Variants in LRP1B observed in about 807,000 individuals in gnomAD.
LRP1B encodes LDL receptor related protein 1B.
Under a neutral mutation model 556.6 loss-of-function variants are expected in LRP1B, and 217 were observed. That is an observed-to-expected ratio of 0.39 (90% CI 0.35 to 0.44). LRP1B has a LOEUF of 0.44. LRP1B is among the 20% of genes least tolerant of loss of function. The pLI, the probability that LRP1B is intolerant of heterozygous loss-of-function variation, is 1.00. For synonymous variants in LRP1B, 2,047 were observed against 1,865.8 expected (o/e 1.10, Z -2.50); for missense variants, 5,053 against 5,620.8 (o/e 0.90, Z 3.23).
At chr2:140,412,814 T>G (rs1370414828) in intron 66 of LRP1B, among the ~76,000 whole-genome samples, 1 of 152,098 alleles carries the variant, frequency 6.6e-6, no homozygotes, top group Non-Finnish European at 1.5e-5. Context: ...TATCTACGTA[T>G]TTATTCACAT....
chr2:140,921,614 T>TAA (rs1694738851), intron 21 of LRP1B, among the ~76,000 whole-genome samples: 1 of 151,974 alleles, frequency 6.6e-6, no homozygotes, highest in East Asian at 1.9e-4. Flanking sequence ...AAAATCACAT[T>TAA]TTTCTAACAA....
chr2:140,348,342 C>G (rs1681789873), intron 77 of LRP1B, among the ~76,000 whole-genome samples: 1 of 151,936 alleles, frequency 6.6e-6, no homozygotes, highest in Non-Finnish European at 1.5e-5. Flanking sequence ...CAGTGTAGCT[C>G]TAAAGTATTT....
At chr2:140,855,697 T>A (rs1335992658) in intron 27 of LRP1B, among the ~76,000 whole-genome samples, 1 of 151,914 alleles carries the variant, frequency 6.6e-6, no homozygotes, top group Non-Finnish European at 1.5e-5. Flanking sequence ...GTATGGTGGC[T>A]CACATCTGTA....
At chr2:141,231,174 C>T (rs1186821885) in intron 5 of LRP1B, among the ~76,000 whole-genome samples, 2 of 152,174 alleles carry the variant, frequency 1.3e-5, no homozygotes, top group South Asian at 4.1e-4. Flanking sequence ...AAAGGTAGGA[C>T]AAAAACCAGA....
intron 2 of LRP1B, among the ~76,000 whole-genome samples, chr2:141,728,364 C>T (rs560092586): frequency 6.6e-5 from 10 of 152,128 alleles, no homozygotes; most frequent in African/African-American, 9.7e-5. Flanking sequence ...GGCATGATCT[C>T]GCCCTCCAAC....
At chr2:141,003,958 T>A (rs1697497502) in intron 15 of LRP1B, among the ~76,000 whole-genome samples, 1 of 152,110 alleles carries the variant, frequency 6.6e-6, no homozygotes, top group Admixed American at 6.6e-5. Context: ...TATTTCTGAA[T>A]AGTGGCATTG....
intron 36 of LRP1B, 103 bp downstream of exon 36, chr2:140,716,579 A>C (rs1401251025): frequency 8.4e-7 from 1 of 1,187,020 alleles, no homozygotes; most frequent in Non-Finnish European, 1.2e-6. Context: ...CTAGAAGTAC[A>C]AATAAAAGCA....
intron 3 of LRP1B, among the ~76,000 whole-genome samples, chr2:141,439,529 T>C (rs1680882932): frequency 6.6e-6 from 1 of 152,092 alleles, no homozygotes; most frequent in African/African-American, 2.4e-5. Flanking sequence ...TATTGCTCTG[T>C]ATAATTATAC....
chr2:140,516,921 T>A lies in LRP1B; in HGVS notation c.8117A>T (p.Asp2706Val), dbSNP rs2104939022. The A allele has an allele frequency of 6.2e-7, 1 of 1,613,434 alleles. No individual in the cohort carries two copies. The highest frequency in any genetic ancestry group is 8.5e-7 in the Non-Finnish European group (1 of 1,179,630). Reference sequence around the variant, plus strand: ...GAATTCATCACGTCCATCCTCACAATCTTTCTGACCATCGCATATCCAGGT... The same window carrying A: ...GAATTCATCACGTCCATCCTCACAAACTTTCTGACCATCGCATATCCAGGT... ...LNTWICDGQK[D>V]CEDGRDEFHC... is the part of the protein sequence containing the mutation. The change falls in exon 50 of 91, where the codon GAT (aspartate) becomes GTT (valine). Residue 2706 changes from aspartate (D) to valine (V), a missense_variant. Transcript: ENST00000389484.
intron 3 of LRP1B, among the ~76,000 whole-genome samples, chr2:141,382,777 T>C: frequency 6.6e-6 from 1 of 152,122 alleles, no homozygotes; most frequent in African/African-American, 2.4e-5. Context: ...GGTTGCCAGG[T>C]GGTTGTTTGG....
intron 1 of LRP1B, among the ~76,000 whole-genome samples, chr2:141,878,906 C>T (rs1415636530): frequency 6.6e-6 from 1 of 151,854 alleles, no homozygotes; most frequent in Non-Finnish European, 1.5e-5. Context: ...CCTAAGGTGT[C>T]ATTAATAACA....
intron 1 of LRP1B, among the ~76,000 whole-genome samples, chr2:141,942,616 TC>T: frequency 6.6e-6 from 1 of 152,312 alleles, no homozygotes; most frequent in South Asian, 2.1e-4. Context: ...TTCCATCAAT[TC>T]CAATTCATTT....
chr2:140,397,175 A>AT (rs1296283149), intron 66 of LRP1B, among the ~76,000 whole-genome samples: 33 of 151,958 alleles, frequency 2.2e-4, no homozygotes, highest in African/African-American at 6.8e-4. Flanking sequence ...CTTTTTTAAC[A>AT]TTTTTTCTAA....
At chr2:141,940,826 G>C (rs1224045197) in intron 1 of LRP1B, among the ~76,000 whole-genome samples, 1 of 152,138 alleles carries the variant, frequency 6.6e-6, no homozygotes, top group African/African-American at 2.4e-5. Context: ...TTTAAGAACT[G>C]TAAAAGACCT....
At chr2:141,583,906 A>ATTTTTTTTTTTTTTTTTTTTTT (rs113916906) in intron 2 of LRP1B, among the ~76,000 whole-genome samples, 4 of 145,526 alleles carry the variant, frequency 2.7e-5, no homozygotes, top group African/African-American at 1.0e-4. Context: ...TGCCCGGCTA[A>ATTTTTTTTTTTTTTTTTTTTTT]TTTTTTTTTT....
intron 37 of LRP1B, among the ~76,000 whole-genome samples, chr2:140,707,697 TTC>T (rs1276540148): frequency 6.6e-6 from 1 of 152,084 alleles, no homozygotes; most frequent in Non-Finnish European, 1.5e-5. Context: ...ATGTAGAGCG[TTC>T]TCTTTTTCTG....
chr2:141,919,822 A>C (rs1277294925), intron 1 of LRP1B, among the ~76,000 whole-genome samples: 2 of 152,034 alleles, frequency 1.3e-5, no homozygotes, highest in African/African-American at 4.8e-5. Flanking sequence ...TTTTACTGTA[A>C]GGATATGACA....
At chr2:140,964,999 TAGAG>T (rs1383162805) in intron 18 of LRP1B, among the ~76,000 whole-genome samples, 1 of 152,062 alleles carries the variant, frequency 6.6e-6, no homozygotes, top group African/African-American at 2.4e-5. Context: ...AGGGATATAA[TAGAG>T]AGATATTGAA....
At chr2:141,872,139 T>C (rs1698610234) in intron 1 of LRP1B, among the ~76,000 whole-genome samples, 1 of 151,956 alleles carries the variant, frequency 6.6e-6, no homozygotes, top group Admixed American at 6.6e-5. Flanking sequence ...TCTTGAGGCA[T>C]TCCTTCTAGG....
Sources: gnomAD v4.1 joint callset for allele counts (sites outside exome capture counted in the v4.1 genomes callset) on GRCh38, gnomAD v4.1.1 for gene constraint, MANE v1.5 for transcripts, NCBI Gene and HGNC (gene_info 2026-07-23, HGNC 2026-07-21) for gene names.